Variants in FNTB observed in about 807,000 individuals in gnomAD.
FNTB encodes the protein protein farnesyltransferase subunit beta.
A neutral mutation model predicts 59.4 loss-of-function variants in FNTB; 27 were observed. The observed-to-expected ratio is 0.45, with a 90% CI of 0.34 to 0.63. FNTB has a LOEUF of 0.63. Ranked by LOEUF, FNTB falls within the 20% of genes least tolerant of loss-of-function variation. The pLI, the probability that FNTB is intolerant of heterozygous loss-of-function variation, is 0.02. For missense variants in FNTB, 449 were observed against 559.6 expected, an observed-to-expected ratio of 0.80 and a Z score of 1.99; for synonymous variants, 230 against 220.7, an observed-to-expected ratio of 1.04 and a Z score of -0.37.
At chr14:65,058,732 T>C (rs556237292) in intron 11 of FNTB, among the ~76,000 whole-genome samples, 10 of 152,346 alleles carry the variant, frequency 6.6e-5, no homozygotes, top group Admixed American at 2.0e-4. Flanking sequence ...TCTTCTTTAA[T>C]ATGATATGTT....
At chr14:65,060,139 T>A (rs188985782) in intron 11 of FNTB, among the ~76,000 whole-genome samples, 23 of 152,080 alleles carry the variant, frequency 1.5e-4, no homozygotes, top group Admixed American at 1.3e-3. Context: ...GGCCCCCTTT[T>A]TCTTGATTAT....
intron 7 of FNTB, among the ~76,000 whole-genome samples, chr14:65,033,481 T>C (rs978867199): frequency 3.2e-4 from 49 of 152,246 alleles, no homozygotes; most frequent in African/African-American, 1.1e-3. Context: ...TGTATATGGC[T>C]AATTCTAAGC....
intron 11 of FNTB, among the ~76,000 whole-genome samples, chr14:65,055,219 A>G (rs918461540): frequency 3.3e-5 from 5 of 152,222 alleles, no homozygotes; most frequent in Non-Finnish European, 5.9e-5. Context: ...CTTTCCTGAA[A>G]AAACAATAGC....
intron 10 of FNTB, 45 bp downstream of exon 10, chr14:65,053,394 A>T: frequency 1.2e-5 from 16 of 1,354,176 alleles, no homozygotes; most frequent in Non-Finnish European, 1.5e-5. Flanking sequence ...GGGAGGAGAG[A>T]GCAGAGGGGC....
rs546067454 is a variant in FNTB, at chr14:65,046,031, A to C, written c.955+1588A>C. Among the ~76,000 whole-genome samples the C allele has an allele frequency of 3.9e-5, 6 of 152,254 alleles. No individual in the cohort carries two copies. In the South Asian group the frequency reaches 6.2e-4, roughly 16 times the overall value. On this transcript the variant is annotated intron_variant, in intron 9 of 11. Transcript: ENST00000246166. ...AGACGGAGTTTCACTCTTGTTGCCC[A>C]GGCCGGAGTGCAATGGATCACTGCA... is the stretch of plus-strand genomic sequence containing the variant.
chr14:65,002,399 A>G (rs575444247), intron 1 of FNTB, among the ~76,000 whole-genome samples: 1 of 152,320 alleles, frequency 6.6e-6, no homozygotes, highest in Admixed American at 6.5e-5. Flanking sequence ...ACCTGAGGTC[A>G]GGAGTTCGAG....
chr14:65,005,003 G>A (rs1321847141), intron 2 of FNTB, among the ~76,000 whole-genome samples: 1 of 152,194 alleles, frequency 6.6e-6, no homozygotes, highest in African/African-American at 2.4e-5. Flanking sequence ...AACATTTAGA[G>A]TCCAGGGAGA....
chr14:65,031,053 C>G lies in FNTB; in HGVS notation c.606-1557C>G, dbSNP rs1249395516. On this transcript the variant is annotated intron_variant, in intron 6 of 11. Coordinates refer to ENST00000246166, the MANE Select transcript of FNTB (RefSeq NM_002028.4). The surrounding 1 kb of genome is among the most constrained non-coding windows in gnomAD (Gnocchi z 4.6). ...GAACTCCTGACCTCAAATAATCCAC[C>G]TGCCTTAGCCTCCCAAAGTGCTGGG... Among the ~76,000 whole-genome samples, 1 of 152,082 alleles carries G rather than the reference C, an allele frequency of 6.6e-6. No homozygotes were observed. Among genetic ancestry groups the G allele is most frequent in the East Asian group, 1.9e-4 (1 of 5,170 alleles).
chr14:65,006,059 A>G lies in FNTB; in HGVS notation c.209+1746A>G, dbSNP rs2061581973. The G allele has an allele frequency of 2.1e-6, 3 of 1,397,564 alleles. No homozygotes were observed. In the Admixed American group the frequency reaches 6.8e-5, roughly 32 times the overall value. The allele number at this position is 1,397,564 out of a possible 1,614,324, so 86.6% of individuals were successfully genotyped here. A position where few individuals can be genotyped will look rare whatever the true frequency, so the allele number is the denominator to read the frequency against. ...TCATCATGTCTCTTGACTTCTTGAGATCTTCTAACAGACTAAATCCTAGCA... is the reference window on the plus strand; with the variant it reads ...TCATCATGTCTCTTGACTTCTTGAGGTCTTCTAACAGACTAAATCCTAGCA... On this transcript the variant is annotated intron_variant, in intron 2 of 11. Transcript: ENST00000246166.
rs755341817 is a variant in FNTB at position 65,009,029 on chromosome 14, C to A, written c.210-3288C>A. On this transcript the variant is annotated intron_variant, in intron 2 of 11. Coordinates refer to ENST00000246166, the MANE Select transcript of FNTB (RefSeq NM_002028.4). The surrounding 1 kb of genome is among the most constrained non-coding windows in gnomAD (Gnocchi z 4.2). The stretch of plus-strand genomic sequence containing the variant: ...AGTCCTGCACGAAACCTGTCTTATT[C>A]TGCTCCATGTAATTGAATGGTTTTG... Among the ~76,000 whole-genome samples, 5 of 152,190 alleles carry A rather than the reference C, an allele frequency of 3.3e-5. No homozygotes were observed. Among genetic ancestry groups the A allele is most frequent in the Non-Finnish European group, 7.4e-5 (5 of 68,026 alleles).
At chr14:65,033,171 G>A (rs2062118836) in intron 7 of FNTB, among the ~76,000 whole-genome samples, 2 of 152,184 alleles carry the variant, frequency 1.3e-5, no homozygotes, top group Admixed American at 6.5e-5. Flanking sequence ...CAGTGAAAAT[G>A]AATGAACTAG....
chr14:65,022,637 G>A (rs986000063), intron 4 of FNTB, among the ~76,000 whole-genome samples: 2 of 151,444 alleles, frequency 1.3e-5, no homozygotes, highest in African/African-American at 2.4e-5. Flanking sequence ...AAAGTCTAGG[G>A]ATTACAGGCA....
In FNTB at chr14:65,044,332, A is replaced by G. The variant is rs1328133812; in HGVS notation, c.844A>G (p.Met282Val). Residue 282 changes from methionine to valine, a missense_variant, in exon 9 of 12, where the codon ATG becomes GTG. This residue lies in a region of FNTB where 337 missense variants were observed against 479.1 expected (regional missense o/e 0.70). Transcript: ENST00000246166. This position sits in a 1 kb window ranked among gnomAD's most constrained non-coding sequence, Gnocchi z 5.5. ...TCAGCAATGGGTGACAAGCCGGCAG[A>G]TGCGATTTGAAGGAGGATTTCAGGG... ...SLLQWVTSRQ[M>V]RFEGGFQGRC... is the part of the protein sequence containing the mutation. 6.2e-7 allele frequency: 1 copy of G among 1,613,444 alleles called. No individual in the cohort carries two copies. The highest frequency in any genetic ancestry group is 8.5e-7 in the Non-Finnish European group (1 of 1,179,824).
chr14:65,015,410 C>CTTTT (rs888923691), intron 3 of FNTB: 28 of 155,736 alleles, frequency 1.8e-4, no homozygotes, highest in South Asian at 3.6e-4. Context: ...GCCTTGTTAT[C>CTTTT]TTTTTTTTTT....
At chr14:65,015,738 C>A (rs1229564673) in intron 4 of FNTB, 22 bp downstream of exon 4, 1 of 1,607,430 alleles carries the variant, frequency 6.2e-7, no homozygotes, top group African/African-American at 1.3e-5. Flanking sequence ...TTTGGGAAAT[C>A]TGGGGTGTTC....
Position 65,032,018 on chromosome 14 carries a change from G to T in FNTB, c.606-592G>T, listed in dbSNP as rs1354433876. ...TGTGTGTGTGTGTGTGTGTGTGTGT[G>T]TACTGGTGAGAGGTTTGAAATCAAG... On this transcript the variant is annotated intron_variant, in intron 6 of 11. Coordinates refer to ENST00000246166, the MANE Select transcript of FNTB (RefSeq NM_002028.4). This position sits in a 1 kb window ranked among gnomAD's most constrained non-coding sequence, Gnocchi z 5.0. Among the ~76,000 whole-genome samples, 5 of 149,790 alleles carry T rather than the reference G, an allele frequency of 3.3e-5. No individual in the cohort carries two copies. The highest frequency in any genetic ancestry group is 3.3e-4 in the Admixed American group (5 of 15,028).
Position 65,014,129 on chromosome 14 carries a change from C to G in FNTB, c.283-1496C>G, listed in dbSNP as rs1253519954. Among the ~76,000 whole-genome samples the G allele has an allele frequency of 6.6e-6, 1 of 152,162 alleles. No homozygotes were observed. The highest frequency in any genetic ancestry group is 1.9e-4 in the East Asian group (1 of 5,202). ...AAGAACACTGGATTGACTCTAAAAA[C>G]CTAGGTTCTTGTCTCACCTCTGACA... On this transcript the variant is annotated intron_variant, in intron 3 of 11. Coordinates refer to ENST00000246166, the MANE Select transcript of FNTB (RefSeq NM_002028.4). This position sits in a 1 kb window ranked among gnomAD's most constrained non-coding sequence, Gnocchi z 5.1.
At position 64,986,923 on chromosome 14, in the gene FNTB, G is replaced by C. The variant is rs775206745; in HGVS notation, c.-31G>C. 1.9e-6 allele frequency: 3 copies of C among 1,613,382 alleles called. No homozygotes were observed. The highest frequency in any genetic ancestry group is 2.5e-6 in the Non-Finnish European group (3 of 1,179,312). On this transcript the variant is annotated 5_prime_UTR_variant, in exon 1 of 12. Transcript: ENST00000246166. ...GCGCGTTGTTGCTTAACGAAGCAGA[G>C]TCCTACACACTGTCTGCTGCTCTCC...
At chr14:65,037,722 G>T (rs2062235080) in intron 7 of FNTB, among the ~76,000 whole-genome samples, 1 of 143,014 alleles carries the variant, frequency 7.0e-6, no homozygotes, top group Non-Finnish European at 1.5e-5. Flanking sequence ...ACCATGCCCA[G>T]CCTCTTATTT....
Sources: allele counts gnomAD v4.1 joint callset (sites outside exome capture counted in the v4.1 genomes callset), GRCh38; gene constraint gnomAD v4.1.1; regional missense constraint gnomAD v4.1.1; non-coding constraint Gnocchi (gnomAD v3.1); transcripts MANE v1.5; gene names NCBI Gene and HGNC (gene_info 2026-07-23, HGNC 2026-07-21).